Variants in ANXA8 observed in about 807,000 individuals in gnomAD.
ANXA8 encodes the protein annexin A8.
A neutral mutation model predicts 26.8 loss-of-function variants in ANXA8; 9 were observed. That is an observed-to-expected ratio of 0.34 (90% confidence interval 0.20 to 0.59). The LOEUF is 0.59. ANXA8 is among the 20% of genes least tolerant of loss of function. ANXA8 has a pLI of 0.84. For synonymous variants in ANXA8, 39 were observed against 94.8 expected (o/e 0.41, Z 3.42); for missense variants, 83 against 238.5 (o/e 0.35, Z 4.29).
the ANXA8 span, among the ~76,000 whole-genome samples, chr10:47,563,121 C>CTCA: frequency 4.8e-5 from 4 of 82,866 alleles, no homozygotes; most frequent in East Asian, 1.3e-3. Flanking sequence ...GTCCCAGCTA[C>CTCA]TCAGGAGGCT....
chr10:47,594,261 C>G, the ANXA8 span, among the ~76,000 whole-genome samples: 1 of 149,140 alleles, frequency 6.7e-6, no homozygotes, highest in East Asian at 1.9e-4. Flanking sequence ...AGAACTCTGA[C>G]TAATACAAAC....
At chr10:47,600,817 CAGAGA>C in the ANXA8 span, among the ~76,000 whole-genome samples, 1,341 of 139,808 alleles carry the variant, frequency 9.6e-3, 20 homozygotes, top group Non-Finnish European at 0.014. Context: ...CCCAATTGCC[CAGAGA>C]AGAGTGGAAA....
At chr10:47,892,528 AG>A in the ANXA8 span, among the ~76,000 whole-genome samples, 6 of 146,232 alleles carry the variant, frequency 4.1e-5, no homozygotes, top group African/African-American at 1.5e-4. Context: ...TTGCATGCAC[AG>A]GCTTCTGCAT....
Position 47,474,396 on chromosome 10 carries a change from A to G in ANXA8, c.555T>C (p.Asp185=). The G allele has an allele frequency of 6.8e-7, 1 of 1,460,340 alleles. No homozygotes were observed. Among genetic ancestry groups the G allele is most frequent in the Non-Finnish European group, 9.1e-7 (1 of 1,095,030 alleles). The allele number at this position is 1,460,340 out of a possible 1,614,324, so 90.5% of individuals were successfully genotyped here. A position where few individuals can be genotyped will look rare whatever the true frequency, so the allele number is the denominator to read the frequency against. ...GAATCTTCTCGCCTGCCGCATACAG[A>G]TCCTAGCATTGGGACACCCACAATA... The part of the protein sequence containing the change: ...DPGLALQDAQ[D]LYAAGEKIRG... The change falls in exon 8 of 12, where the codon GAT becomes GAC. Residue 185 remains aspartate, a splice_region_variant and synonymous_variant. Transcript: ENST00000585281.
At chr10:47,698,758 G>T in the ANXA8 span, among the ~76,000 whole-genome samples, 1 of 152,250 alleles carries the variant, frequency 6.6e-6, no homozygotes, top group East Asian at 1.9e-4. Context: ...GGGAAAGAAA[G>T]TTGAGGCTGC....
the ANXA8 span, among the ~76,000 whole-genome samples, chr10:47,664,434 G>T: frequency 1.3e-5 from 2 of 151,666 alleles, no homozygotes; most frequent in African/African-American, 4.9e-5. Context: ...TGGGTGTGGT[G>T]GCGGGTGCCT....
chr10:47,743,313 C>CATATATATATACACATATACATAT, the ANXA8 span, among the ~76,000 whole-genome samples: 85 of 27,554 alleles, frequency 3.1e-3, 8 homozygotes, highest in South Asian at 0.013. Flanking sequence ...TATATATATA[C>CATATATATATACACATATACATAT]ACATATATAT....
chr10:47,646,303 A>G, the ANXA8 span, among the ~76,000 whole-genome samples: 1 of 138,576 alleles, frequency 7.2e-6, no homozygotes, highest in Non-Finnish European at 1.5e-5. Context: ...TAAATAATAT[A>G]TATTGTTTAC....
chr10:47,558,874 C>T, the ANXA8 span, among the ~76,000 whole-genome samples: 6 of 151,676 alleles, frequency 4.0e-5, no homozygotes, highest in African/African-American at 7.3e-5. Flanking sequence ...ATTCAGACCA[C>T]ATAAGATCCT....
At chr10:47,647,469 G>T in the ANXA8 span, among the ~76,000 whole-genome samples, 28 of 150,068 alleles carry the variant, frequency 1.9e-4, no homozygotes, top group Non-Finnish European at 3.4e-4. Flanking sequence ...AACATATTCC[G>T]AGATTAAAAA....
the ANXA8 span, among the ~76,000 whole-genome samples, chr10:47,528,409 GA>G: frequency 7.9e-6 from 1 of 127,202 alleles, no homozygotes; most frequent in Non-Finnish European, 1.6e-5. Flanking sequence ...AATACTGTGG[GA>G]AAAAGGATAT....
chr10:47,618,928 T>G, the ANXA8 span, among the ~76,000 whole-genome samples: 17 of 115,512 alleles, frequency 1.5e-4, 2 homozygotes, highest in African/African-American at 5.6e-4. Context: ...AATTTGTTAC[T>G]AAGAAGCCCT....
At chr10:47,681,985 C>CA in the ANXA8 span, among the ~76,000 whole-genome samples, 1 of 145,836 alleles carries the variant, frequency 6.9e-6, no homozygotes, top group Non-Finnish European at 1.5e-5. Flanking sequence ...ATGCTGGATC[C>CA]AAAAAACTCT....
chr10:47,513,163 T>C, the ANXA8 span, among the ~76,000 whole-genome samples: 1 of 149,410 alleles, frequency 6.7e-6, no homozygotes, highest in South Asian at 2.1e-4. Flanking sequence ...GCCACCCGAG[T>C]AGATGGGATA....
the ANXA8 span, among the ~76,000 whole-genome samples, chr10:47,648,143 G>A: frequency 1.3e-5 from 2 of 151,694 alleles, no homozygotes; most frequent in East Asian, 3.9e-4. Flanking sequence ...GCAAGGGGAT[G>A]TTCTTGGGAG....
the ANXA8 span, chr10:47,491,711 G>A: frequency 6.5e-7 from 1 of 1,543,420 alleles, no homozygotes; most frequent in Non-Finnish European, 8.8e-7. Context: ...AGGATGCTGA[G>A]GACTGGCCCA....
upstream of ANXA8, among the ~76,000 whole-genome samples, chr10:47,485,305 A>G (rs1840015004): frequency 6.6e-6 from 1 of 151,856 alleles, no homozygotes; most frequent in Non-Finnish European, 1.5e-5. Context: ...ATACCTGGAG[A>G]ATAAAGTCCT....
At chr10:47,957,314 C>G in the ANXA8 span, among the ~76,000 whole-genome samples, 1 of 150,440 alleles carries the variant, frequency 6.6e-6, no homozygotes, top group African/African-American at 2.5e-5. Flanking sequence ...CCCAGCTAGC[C>G]TCCGGATGCT....
the ANXA8 span, among the ~76,000 whole-genome samples, chr10:47,666,657 T>C: frequency 6.6e-6 from 1 of 151,996 alleles, no homozygotes; most frequent in Non-Finnish European, 1.5e-5. Flanking sequence ...TTGGGCTTTA[T>C]GTCCTTGGGA....
Sources: gnomAD v4.1 joint callset for allele counts (sites outside exome capture counted in the v4.1 genomes callset) on GRCh38, gnomAD v4.1.1 for gene constraint, MANE v1.5 for transcripts, NCBI Gene and HGNC (gene_info 2026-07-23, HGNC 2026-07-21) for gene names.